The following RGS7 variants were observed in gnomAD, a reference collection of about 807,000 sequenced individuals.
The protein encoded by RGS7 is regulator of G protein signaling 7.
A neutral mutation model predicts 81.1 loss-of-function variants in RGS7; 27 were observed. The ratio of observed to expected loss-of-function variants is 0.33; its 90% confidence interval spans 0.25 to 0.46. RGS7 has a LOEUF of 0.46. RGS7 is among the 20% of genes least tolerant of loss of function. The probability of loss-of-function intolerance (pLI) is 1.00; values close to 1 mark genes in which losing one functional copy is unlikely to be tolerated. For synonymous variants in RGS7, 208 were observed against 207.7 expected (o/e 1.00, Z -0.01); for missense variants, 396 against 607.4 (o/e 0.65, Z 3.66).
chr1:241,221,072 A>AAGG (rs2074963356), intron 2 of RGS7, among the ~76,000 whole-genome samples: 1 of 137,508 alleles, frequency 7.3e-6, no homozygotes, highest in Non-Finnish European at 1.6e-5. Flanking sequence ...AGAGAGAGAG[A>AAGG]AAGGAAGGAA....
intron 6 of RGS7, chr1:240,920,021 T>C: frequency 8.1e-7 from 1 of 1,231,522 alleles, no homozygotes; most frequent in East Asian, 2.3e-5. Flanking sequence ...TAAGAGATTA[T>C]TTTGAACAGT....
At chr1:240,864,545 A>C (rs1360719201) in intron 9 of RGS7, among the ~76,000 whole-genome samples, 1 of 152,196 alleles carries the variant, frequency 6.6e-6, no homozygotes, top group Non-Finnish European at 1.5e-5. Flanking sequence ...AAGACAAAGA[A>C]AGGCTGCTTT....
At position 240,775,701 on chromosome 1, in the gene RGS7, G is replaced by C; in HGVS notation, c.*519C>G. 5.9e-6 allele frequency: 1 copy of C among 169,080 alleles called. No individual in the cohort carries two copies. The highest frequency in any genetic ancestry group is 1.5e-4 in the East Asian group (1 of 6,696). 10.5% of individuals were successfully genotyped at this position (169,080 alleles called of 1,614,324 possible). A position where few individuals can be genotyped will look rare whatever the true frequency, so the allele number is the denominator to read the frequency against. ...CAGACGAAGACATGAGTTTGTTTCT[G>C]ACTGTGACACATTGGTGAAATGAAA... On this transcript the variant is annotated 3_prime_UTR_variant, in exon 19 of 19. Coordinates refer to ENST00000440928, the MANE Select transcript of RGS7 (RefSeq NM_001364886.1).
intron 2 of RGS7, among the ~76,000 whole-genome samples, chr1:241,323,672 A>C (rs1192512200): frequency 1.3e-5 from 2 of 152,218 alleles, no homozygotes; most frequent in Non-Finnish European, 2.9e-5. Context: ...AGATGCCTGG[A>C]GAGAAGCAGA....
chr1:241,219,754 C>T (rs1219710954), intron 2 of RGS7, among the ~76,000 whole-genome samples: 2 of 152,128 alleles, frequency 1.3e-5, no homozygotes, highest in African/African-American at 4.8e-5. Flanking sequence ...AGAAAGCATT[C>T]CTTTGTTAAG....
chr1:240,858,117 A>G (rs2147966981), intron 9 of RGS7, among the ~76,000 whole-genome samples: 1 of 152,254 alleles, frequency 6.6e-6, no homozygotes, highest in East Asian at 1.9e-4. Context: ...TACACCTTCC[A>G]TTGTATGAAT....
intron 2 of RGS7, among the ~76,000 whole-genome samples, chr1:241,110,722 C>G (rs779240766): frequency 1.4e-5 from 2 of 147,798 alleles, no homozygotes; most frequent in Non-Finnish European, 3.0e-5. Context: ...CAGAGTCTCA[C>G]TCTATTGCCC....
intron 2 of RGS7, among the ~76,000 whole-genome samples, chr1:241,129,658 T>C (rs2066937065): frequency 6.6e-6 from 1 of 152,188 alleles, no homozygotes; most frequent in Admixed American, 6.5e-5. Flanking sequence ...AGAGCAGCAG[T>C]TCTCAAACTT....
At chr1:241,203,519 C>T (rs979738350) in intron 2 of RGS7, among the ~76,000 whole-genome samples, 5 of 152,082 alleles carry the variant, frequency 3.3e-5, no homozygotes, top group Admixed American at 6.6e-5. Context: ...TGTGAGCCAC[C>T]GTGCCCGGCC....
chr1:240,875,189 C>A (rs917442907), intron 6 of RGS7, among the ~76,000 whole-genome samples: 1 of 152,184 alleles, frequency 6.6e-6, no homozygotes, highest in Admixed American at 6.5e-5. Context: ...CCAATATCTG[C>A]CCCCACTGCC....
rs1023575882 is a variant in RGS7, at chr1:241,232,625, G to A, written c.78+123074C>T. Reference sequence around the variant, plus strand: ...TTTTCAAAGTTGCTTGGCTGTTCTAGGTCATTTCCATTTCCATATATATTT... The same window carrying A: ...TTTTCAAAGTTGCTTGGCTGTTCTAAGTCATTTCCATTTCCATATATATTT... On this transcript the variant is annotated intron_variant, in intron 2 of 18. Coordinates refer to ENST00000440928, the MANE Select transcript of RGS7 (RefSeq NM_001364886.1). 1.1e-4 allele frequency among the ~76,000 whole-genome samples: 16 copies of A among 151,416 alleles called. No individual in the cohort carries two copies. In the East Asian group the frequency reaches 2.9e-3, roughly 27 times the overall value.
intron 9 of RGS7, among the ~76,000 whole-genome samples, chr1:240,827,680 T>A (rs1693082736): frequency 6.6e-6 from 1 of 151,910 alleles, no homozygotes; most frequent in South Asian, 2.1e-4. Flanking sequence ...CTGACCAATA[T>A]GGTGAAACCC....
At chr1:240,977,971 A>C (rs903464821) in intron 4 of RGS7, among the ~76,000 whole-genome samples, 2 of 152,242 alleles carry the variant, frequency 1.3e-5, no homozygotes, top group East Asian at 1.9e-4. Flanking sequence ...AAGTAAGTCC[A>C]TCACACTCAG....
intron 6 of RGS7, among the ~76,000 whole-genome samples, chr1:240,926,676 C>T (rs1674492173): frequency 6.6e-6 from 1 of 152,154 alleles, no homozygotes; most frequent in Non-Finnish European, 1.5e-5. Flanking sequence ...TTGTCTCGAG[C>T]CCACACTGCA....
chr1:240,809,048 C>T (rs747010180), intron 14 of RGS7, among the ~76,000 whole-genome samples: 11 of 151,904 alleles, frequency 7.2e-5, no homozygotes, highest in Non-Finnish European at 1.6e-4. Context: ...AAATTAATTC[C>T]GTTAATGTAT....
chr1:241,171,557 C>T (rs1053427434), intron 2 of RGS7, among the ~76,000 whole-genome samples: 23 of 152,278 alleles, frequency 1.5e-4, no homozygotes, highest in African/African-American at 5.1e-4. Flanking sequence ...TGTAAATCTA[C>T]AATTATAACA....
intron 2 of RGS7, among the ~76,000 whole-genome samples, chr1:241,311,105 A>C (rs2148556229): frequency 6.6e-6 from 1 of 152,370 alleles, no homozygotes; most frequent in South Asian, 2.1e-4. Context: ...AAAATGAGAT[A>C]AAACTGAAAC....
intron 4 of RGS7, among the ~76,000 whole-genome samples, chr1:240,957,313 G>A (rs193144772): frequency 1.6e-3 from 244 of 152,284 alleles, no homozygotes; most frequent in African/African-American, 5.7e-3. Flanking sequence ...TGCTTTGCCA[G>A]GGGCTCTCAG....
intron 6 of RGS7, among the ~76,000 whole-genome samples, chr1:240,901,570 A>G (rs554384813): frequency 6.6e-6 from 1 of 152,284 alleles, no homozygotes; most frequent in East Asian, 1.9e-4. Flanking sequence ...TCCTGACATC[A>G]TACTTACGCA....
Sources: gnomAD v4.1 joint callset for allele counts (sites outside exome capture counted in the v4.1 genomes callset) on GRCh38, gnomAD v4.1.1 for gene constraint, MANE v1.5 for transcripts, NCBI Gene and HGNC (gene_info 2026-07-23, HGNC 2026-07-21) for gene names.